The following CABCOCO1 variants were observed in gnomAD, a reference collection of about 807,000 sequenced individuals.
CABCOCO1 encodes the protein ciliary associated calcium binding coiled-coil 1, also known as ciliary-associated calcium-binding coiled-coil protein 1.
In CABCOCO1, 28 loss-of-function variants were observed where a neutral mutation model predicts 35.7. The observed-to-expected ratio is 0.78, with a 90% CI of 0.58 to 1.07. The LOEUF (loss-of-function observed/expected upper bound fraction) is 1.07. CABCOCO1 is among the 50% of genes least tolerant of loss of function. The pLI, the probability that CABCOCO1 is intolerant of heterozygous loss-of-function variation, is 0.00. For missense variants in CABCOCO1, 326 were observed against 309.2 expected (o/e 1.05, Z -0.41); for synonymous variants, 95 against 100.1 (o/e 0.95, Z 0.30).
intron 5 of CABCOCO1, among the ~76,000 whole-genome samples, chr10:61,702,059 C>T (rs1279389300): frequency 6.6e-6 from 1 of 152,172 alleles, no homozygotes; most frequent in African/African-American, 2.4e-5. Context: ...ATACTACCAA[C>T]TCTCAGCACA....
At chr10:61,685,750 C>T (rs1020467706) in intron 3 of CABCOCO1, among the ~76,000 whole-genome samples, 1 of 152,158 alleles carries the variant, frequency 6.6e-6, no homozygotes, top group Admixed American at 6.6e-5. Context: ...TTTGTAGAGA[C>T]AGGGTTTCGC....
At chr10:61,741,698 T>G (rs1002313562) in intron 5 of CABCOCO1, among the ~76,000 whole-genome samples, 1 of 152,204 alleles carries the variant, frequency 6.6e-6, no homozygotes, top group African/African-American at 2.4e-5. Flanking sequence ...AATATTCTAA[T>G]GTTGTTGTAC....
intron 5 of CABCOCO1, among the ~76,000 whole-genome samples, chr10:61,695,357 G>A (rs889533556): frequency 6.6e-6 from 1 of 151,824 alleles, no homozygotes. Context: ...CAGAAACTGG[G>A]TAAGAGAGTA....
chr10:61,688,507 T>C (rs562388483), intron 4 of CABCOCO1, among the ~76,000 whole-genome samples: 11 of 152,350 alleles, frequency 7.2e-5, no homozygotes, highest in African/African-American at 2.6e-4. Context: ...ATTTTTACAG[T>C]GTATTGTATC....
intron 4 of CABCOCO1, among the ~76,000 whole-genome samples, chr10:61,687,861 T>G (rs1840013694): frequency 6.6e-6 from 1 of 152,182 alleles, no homozygotes; most frequent in South Asian, 2.1e-4. Context: ...TTCAAAGAAA[T>G]TATGCAATTT....
chr10:61,744,143 T>C (rs1841607000), intron 5 of CABCOCO1, among the ~76,000 whole-genome samples: 3 of 152,136 alleles, frequency 2.0e-5, no homozygotes, highest in Non-Finnish European at 4.4e-5. Context: ...CCTTGTTTTC[T>C]GAAAAAATAT....
intron 5 of CABCOCO1, among the ~76,000 whole-genome samples, chr10:61,725,794 C>T (rs1841134166): frequency 6.6e-6 from 1 of 151,922 alleles, no homozygotes; most frequent in African/African-American, 2.4e-5. Flanking sequence ...AAATATACTT[C>T]TGCATGTATT....
At chr10:61,683,264 T>C (rs71507183) in intron 3 of CABCOCO1, among the ~76,000 whole-genome samples, 2,386 of 152,092 alleles carry the variant, frequency 0.016, 39 homozygotes, top group East Asian at 0.045. Flanking sequence ...TCATTTTACA[T>C]AGAAAGAAAG....
At chr10:61,737,949 A>G (rs1841459974) in intron 5 of CABCOCO1, among the ~76,000 whole-genome samples, 1 of 152,100 alleles carries the variant, frequency 6.6e-6, no homozygotes, top group South Asian at 2.1e-4. Context: ...GTACCCCCAA[A>G]CTAAAATAAA....
intron 5 of CABCOCO1, among the ~76,000 whole-genome samples, chr10:61,729,344 C>T (rs762101205): frequency 1.3e-5 from 2 of 151,970 alleles, no homozygotes; most frequent in Admixed American, 1.3e-4. Flanking sequence ...AGACAAATAG[C>T]CAACAGGTAT....
intron 5 of CABCOCO1, among the ~76,000 whole-genome samples, chr10:61,751,824 G>A (rs1177052084): frequency 6.6e-6 from 1 of 152,100 alleles, no homozygotes; most frequent in Non-Finnish European, 1.5e-5. Flanking sequence ...ACTCTCAACT[G>A]AGCAGCAGAG....
At chr10:61,738,422 T>A (rs1841473750) in intron 5 of CABCOCO1, among the ~76,000 whole-genome samples, 1 of 152,184 alleles carries the variant, frequency 6.6e-6, no homozygotes, top group African/African-American at 2.4e-5. Context: ...GGAATTTGAA[T>A]TTTCTGTCAC....
At chr10:61,715,034 G>A (rs891442975) in intron 5 of CABCOCO1, among the ~76,000 whole-genome samples, 4 of 152,152 alleles carry the variant, frequency 2.6e-5, no homozygotes, top group African/African-American at 9.7e-5. Flanking sequence ...AGGTCTGCTT[G>A]GTGCAGAGCT....
At chr10:61,665,561 T>C (rs1026571295) in intron 1 of CABCOCO1, among the ~76,000 whole-genome samples, 3 of 152,216 alleles carry the variant, frequency 2.0e-5, no homozygotes, top group Non-Finnish European at 2.9e-5. Flanking sequence ...AATAATTTTT[T>C]TCATATAGTG....
intron 5 of CABCOCO1, among the ~76,000 whole-genome samples, chr10:61,723,027 T>A (rs1841060583): frequency 6.6e-6 from 1 of 152,176 alleles, no homozygotes; most frequent in African/African-American, 2.4e-5. Context: ...TCAAATCCTG[T>A]CAAAAGTACG....
chr10:61,736,752 A>G (rs1282564699), intron 5 of CABCOCO1, among the ~76,000 whole-genome samples: 1 of 152,188 alleles, frequency 6.6e-6, no homozygotes, highest in Non-Finnish European at 1.5e-5. Flanking sequence ...TTTTAATGAT[A>G]TTGATTCTTC....
At chr10:61,665,819 G>A (rs1384378799) in intron 1 of CABCOCO1, among the ~76,000 whole-genome samples, 1 of 151,084 alleles carries the variant, frequency 6.6e-6, no homozygotes, top group Non-Finnish European at 1.5e-5. Context: ...CCCGGGAGGC[G>A]GAGCTTGCAG....
chr10:61,677,013 G>A (rs1355629448), intron 2 of CABCOCO1, among the ~76,000 whole-genome samples: 1 of 151,730 alleles, frequency 6.6e-6, no homozygotes, highest in Non-Finnish European at 1.5e-5. Context: ...GCAGTGAGCC[G>A]GGATGGAGCC....
intron 5 of CABCOCO1, among the ~76,000 whole-genome samples, chr10:61,745,833 A>G (rs1372691834): frequency 6.6e-6 from 1 of 152,182 alleles, no homozygotes; most frequent in Non-Finnish European, 1.5e-5. Context: ...AAAGACCCAC[A>G]GTGTTCTTTA....
Sources: allele counts gnomAD v4.1 joint callset (sites outside exome capture counted in the v4.1 genomes callset), GRCh38; gene constraint gnomAD v4.1.1; transcripts MANE v1.5; gene names NCBI Gene and HGNC (gene_info 2026-07-23, HGNC 2026-07-21).